Variants in TDRD5 observed in about 807,000 individuals in gnomAD.
TDRD5 encodes the protein tudor domain containing 5.
TDRD5 carries 41 observed loss-of-function variants against 120.6 expected under a neutral mutation model. The observed-to-expected ratio is 0.34, with a 90% CI of 0.26 to 0.44. The LOEUF is 0.44. TDRD5 is among the 20% of genes least tolerant of loss of function. TDRD5 has a pLI of 1.00. For synonymous variants in TDRD5, 430 were observed against 433.7 expected, an observed-to-expected ratio of 0.99 and a Z score of 0.11; for missense variants, 1,006 against 1,221.2, an observed-to-expected ratio of 0.82 and a Z score of 2.63.
Position 179,679,106 on chromosome 1 carries a change from G to A in TDRD5, c.2860+9702G>A, listed in dbSNP as rs371079201. 1.2e-3 allele frequency among the ~76,000 whole-genome samples: 176 copies of A among 152,198 alleles called. 1 individual carries two copies. Among genetic ancestry groups the A allele is most frequent in the African/African-American group, 3.7e-3 (152 of 41,556 alleles). ...GAATCTTATCAAATGCTTATTCTGC[G>A]TCTATTGAGATGGTTATGCTGTTGC... On this transcript the variant is annotated intron_variant, in intron 17 of 17. Transcript: ENST00000444136.
intron 17 of TDRD5, among the ~76,000 whole-genome samples, chr1:179,674,715 A>G (rs943141936): frequency 6.6e-6 from 1 of 151,850 alleles, no homozygotes; most frequent in Non-Finnish European, 1.5e-5. Flanking sequence ...TTTCAATCTC[A>G]CTGCTTGTTA....
intron 4 of TDRD5, among the ~76,000 whole-genome samples, chr1:179,609,585 C>A (rs1346364137): frequency 3.3e-5 from 5 of 152,088 alleles, no homozygotes; most frequent in African/African-American, 1.2e-4. Context: ...TTTAAGCCAC[C>A]CAGTCTATGG....
intron 11 of TDRD5, among the ~76,000 whole-genome samples, 188 bp from the exon 12 acceptor site, chr1:179,650,679 A>G (rs761689508): frequency 2.0e-5 from 3 of 152,140 alleles, no homozygotes; most frequent in Non-Finnish European, 4.4e-5. Context: ...TACATTTTTT[A>G]TCATTTTTCC....
At chr1:179,663,609 T>C in intron 16 of TDRD5, 118 bp downstream of exon 16, 1 of 1,320,620 alleles carries the variant, frequency 7.6e-7, no homozygotes, top group East Asian at 2.5e-5. Context: ...AACAGCTTGC[T>C]GTAGCTGTTA....
chr1:179,641,557 G>T (rs968760289), intron 11 of TDRD5, among the ~76,000 whole-genome samples: 3 of 151,606 alleles, frequency 2.0e-5, no homozygotes, highest in African/African-American at 7.3e-5. Context: ...GAAAGAAAAA[G>T]AAAAAAAATT....
chr1:179,607,669 T>A (rs559089005), intron 4 of TDRD5, among the ~76,000 whole-genome samples: 1 of 152,158 alleles, frequency 6.6e-6, no homozygotes, highest in Admixed American at 6.5e-5. Context: ...CTCGGGACAG[T>A]AAATTTACAT....
At chr1:179,613,314 G>T (rs2101951376) in intron 4 of TDRD5, among the ~76,000 whole-genome samples, 1 of 152,188 alleles carries the variant, frequency 6.6e-6, no homozygotes, top group African/African-American at 2.4e-5. Flanking sequence ...GTTCTCTGGG[G>T]GTTATATTCT....
chr1:179,679,242 T>G (rs1409396771), intron 17 of TDRD5, among the ~76,000 whole-genome samples: 1 of 152,190 alleles, frequency 6.6e-6, no homozygotes, highest in Non-Finnish European at 1.5e-5. Flanking sequence ...CTATCCATTT[T>G]ATAGAATGTT....
rs893506790 is a variant in TDRD5, at chr1:179,667,744, C to G, written c.2650-1450C>G. The stretch of plus-strand genomic sequence containing the variant: ...TTTCCTGAAATAACATCTTGTATGG[C>G]CCAGTATAGCTATCTGGAGTTTTAG... On this transcript the variant is annotated intron_variant, in intron 16 of 17. Transcript: ENST00000444136. 2.0e-5 allele frequency among the ~76,000 whole-genome samples: 3 copies of G among 152,094 alleles called. No individual in the cohort carries two copies. The East Asian group carries it at 5.8e-4, about 29-fold the overall frequency.
At chr1:179,626,083 G>C (rs1008015532) in intron 6 of TDRD5, among the ~76,000 whole-genome samples, 2 of 151,670 alleles carry the variant, frequency 1.3e-5, no homozygotes, top group Non-Finnish European at 2.9e-5. Context: ...GCAGGGGGGA[G>C]GGATAGCATT....
chr1:179,610,977 T>C (rs566443293), intron 4 of TDRD5, among the ~76,000 whole-genome samples: 1 of 152,314 alleles, frequency 6.6e-6, no homozygotes, highest in South Asian at 2.1e-4. Flanking sequence ...ATTAATCTTA[T>C]GCCTTTCATT....
At chr1:179,684,696 C>G (rs1010633349) in intron 17 of TDRD5, among the ~76,000 whole-genome samples, 1 of 152,170 alleles carries the variant, frequency 6.6e-6, no homozygotes, top group Admixed American at 6.5e-5. Context: ...TCTCCAAATC[C>G]TCTCCAGCAG....
At chr1:179,667,550 C>T in intron 16 of TDRD5, among the ~76,000 whole-genome samples, 1 of 148,734 alleles carries the variant, frequency 6.7e-6, no homozygotes, top group Non-Finnish European at 1.5e-5. Context: ...TAGTAATCTC[C>T]CCAGCTTAAA....
chr1:179,637,767 A>T (rs1336564799), intron 9 of TDRD5, among the ~76,000 whole-genome samples: 1 of 152,082 alleles, frequency 6.6e-6, no homozygotes, highest in Non-Finnish European at 1.5e-5. Flanking sequence ...CAGAATGTTG[A>T]GGCACTTGTG....
intron 17 of TDRD5, among the ~76,000 whole-genome samples, chr1:179,675,281 T>TA (rs746003058): frequency 0.36 from 45,273 of 125,418 alleles, 8,148 homozygotes; most frequent in Admixed American, 0.45. Context: ...TTATTTTTTT[T>TA]TTTTTTTTTT....
At chr1:179,616,445 C>A (rs189887771) in intron 4 of TDRD5, among the ~76,000 whole-genome samples, 2 of 152,110 alleles carry the variant, frequency 1.3e-5, no homozygotes, top group Non-Finnish European at 2.9e-5. Flanking sequence ...AAAACTCTTG[C>A]CTAGAGAGTT....
intron 4 of TDRD5, among the ~76,000 whole-genome samples, chr1:179,613,185 G>A (rs1676376893): frequency 6.6e-6 from 1 of 152,136 alleles, no homozygotes; most frequent in Non-Finnish European, 1.5e-5. Context: ...CATATAAGAG[G>A]TGAAACATTT....
intron 17 of TDRD5, among the ~76,000 whole-genome samples, chr1:179,680,237 A>G (rs912945069): frequency 2.6e-5 from 4 of 152,136 alleles, no homozygotes; most frequent in African/African-American, 9.7e-5. Context: ...ATTTTTGTAA[A>G]TGCTTTACCT....
chr1:179,662,243 G>A lies in TDRD5; in HGVS notation c.2462G>A (p.Gly821Asp), dbSNP rs774080799. 50 of 1,610,698 alleles carry A rather than the reference G, an allele frequency of 3.1e-5. No homozygotes were observed. The East Asian group carries it at 1.1e-3, about 35-fold the overall frequency. The change falls in exon 15 of 18, where the codon GGT becomes GAT. Residue 821 changes from glycine to aspartate, a missense_variant. By Grantham distance (94) the Gly-to-Asp change is moderately conservative. Transcript: ENST00000444136. ...AASHLFTASLGGKNQYSSCKE... is the reference protein window; with the variant it reads ...AASHLFTASLDGKNQYSSCKE... Reference sequence around the variant, plus strand: ...TCCCATCTATTTACTGCAAGCCTTGGTGGAAAGAATCAGTATTCATCATGT... The same window carrying A: ...TCCCATCTATTTACTGCAAGCCTTGATGGAAAGAATCAGTATTCATCATGT...
Sources: allele counts gnomAD v4.1 joint callset (sites outside exome capture counted in the v4.1 genomes callset), GRCh38; gene constraint gnomAD v4.1.1; transcripts MANE v1.5; gene names NCBI Gene and HGNC (gene_info 2026-07-23, HGNC 2026-07-21).